Variants in TIMD4 observed in about 807,000 individuals in gnomAD.
TIMD4 encodes the protein T-cell immunoglobulin and mucin domain-containing protein 4.
TIMD4 carries 31 observed loss-of-function variants against 41.2 expected under a neutral mutation model. The ratio of observed to expected loss-of-function variants is 0.75; its 90% CI spans 0.57 to 1.01. The LOEUF is 1.01. Ranked by LOEUF, TIMD4 falls within the 50% of genes least tolerant of loss-of-function variation. The pLI is 0.00. For synonymous variants in TIMD4, 204 were observed against 177.1 expected (o/e 1.15, Z -1.21); for missense variants, 479 against 472.5 (o/e 1.01, Z -0.13).
At chr5:156,922,055 G>C (rs367798327) in intron 7 of TIMD4, 44 bp downstream of exon 7, 23 of 1,488,440 alleles carry the variant, frequency 1.5e-5, no homozygotes, top group East Asian at 2.3e-5. Context: ...TCCTGCAGTC[G>C]CCAGGGTTCT....
chr5:156,949,105 G>A (rs770625295), intron 4 of TIMD4, among the ~76,000 whole-genome samples: 10 of 152,146 alleles, frequency 6.6e-5, no homozygotes, highest in Admixed American at 5.9e-4. Flanking sequence ...CACCCCAATC[G>A]TGATGCCAAT....
intron 1 of TIMD4, among the ~76,000 whole-genome samples, chr5:156,960,809 A>G (rs1760066034): frequency 6.6e-6 from 1 of 152,246 alleles, no homozygotes; most frequent in African/African-American, 2.4e-5. Flanking sequence ...TGGGGCCTGC[A>G]GAGTACCTAG....
intron 6 of TIMD4, chr5:156,924,601 G>T: frequency 4.1e-6 from 1 of 245,476 alleles, no homozygotes; most frequent in Non-Finnish European, 8.5e-6. Flanking sequence ...GTGCAGGTCA[G>T]AAAGGAGATA....
intron 5 of TIMD4, among the ~76,000 whole-genome samples, chr5:156,928,700 A>T (rs533664648): frequency 6.2e-4 from 94 of 152,328 alleles, no homozygotes; most frequent in African/African-American, 2.2e-3. Flanking sequence ...TGATTTGTTC[A>T]TCAGGAAAGT....
Position 156,925,028 on chromosome 5 carries a change from G to T in TIMD4, c.894+1235C>A, listed in dbSNP as rs564177862. ...AAAGAGAGAGAGAGAGAGAATATAG[G>T]CCAGGCATGTTGGCTCACGCCTGTA... On this transcript the variant is annotated intron_variant, in intron 6 of 8. Transcript: ENST00000274532. 7.2e-5 allele frequency among the ~76,000 whole-genome samples: 11 copies of T among 152,214 alleles called. No homozygotes were observed. In the South Asian group the frequency reaches 2.3e-3, roughly 32 times the overall value.
In TIMD4 at chr5:156,922,279, C is replaced by T. The variant is rs570997869; in HGVS notation, c.895-63G>A. ...GCTAGATGCCACCCTCACAAGATGA[C>T]ATCCCAGCCCAATAGCACCTTACAA... On this transcript the variant is annotated intron_variant, in intron 6 of 8. Transcript: ENST00000274532. 7.3e-6 allele frequency: 9 copies of T among 1,234,562 alleles called. No homozygotes were observed. In the East Asian group the frequency reaches 9.3e-5, roughly 13 times the overall value. 76.5% of individuals were successfully genotyped at this position (1,234,562 alleles called of 1,614,324 possible).
chr5:156,926,460 C>T, intron 5 of TIMD4, 148 bp from the exon 6 acceptor site: 2 of 743,944 alleles, frequency 2.7e-6, no homozygotes, highest in East Asian at 3.0e-5. Flanking sequence ...TCTATTTATG[C>T]ATATTTGTTT....
At chr5:156,949,856 C>CA in intron 3 of TIMD4, 125 bp from the exon 4 acceptor site, 1 of 619,870 alleles carries the variant, frequency 1.6e-6, no homozygotes, top group Admixed American at 2.3e-5. Context: ...CTTGCTCTAT[C>CA]ACCCAGGCTG....
intron 6 of TIMD4, chr5:156,924,209 C>A: frequency 2.3e-6 from 1 of 437,916 alleles, no homozygotes; most frequent in South Asian, 1.8e-5. Flanking sequence ...GGACTTCCCT[C>A]CCCAAAATCC....
At position 156,951,678 on chromosome 5, in the gene TIMD4, G is replaced by A. The variant is rs747523800; in HGVS notation, c.513C>T (p.Val171=). The A allele has an allele frequency of 2.0e-5, 33 of 1,614,090 alleles. No homozygotes were observed. Among genetic ancestry groups the A allele is most frequent in the Admixed American group, 1.0e-4 (6 of 60,010 alleles). ...TTTPAALPTT[V]VTTPDLTTGT... ...CGGTTGTGAGATCGGGTGTGGTCAC[G>A]ACTGTTGTTGGAAGTGCAGCTGGGG... Residue 171 remains valine, a synonymous_variant, in exon 3 of 9, where the codon GTC becomes GTT. Transcript: ENST00000274532.
At chr5:156,962,936 A>G (rs1473437644) in intron 1 of TIMD4, among the ~76,000 whole-genome samples, 1 of 151,932 alleles carries the variant, frequency 6.6e-6, no homozygotes, top group Non-Finnish European at 1.5e-5. Flanking sequence ...CCAGCCTAAA[A>G]CCCCCAGACC....
intron 1 of TIMD4, 130 bp from the exon 2 acceptor site, chr5:156,954,886 T>A: frequency 1.4e-6 from 1 of 714,366 alleles, no homozygotes; most frequent in Non-Finnish European, 2.1e-6. Context: ...TTTCTTTCCT[T>A]TTTTTTTTTG....
At chr5:156,961,582 C>T (rs369679067) in intron 1 of TIMD4, among the ~76,000 whole-genome samples, 9 of 151,954 alleles carry the variant, frequency 5.9e-5, no homozygotes, top group Admixed American at 2.0e-4. Context: ...GTGAGTGGAT[C>T]GCCTGAGGTC....
intron 5 of TIMD4, among the ~76,000 whole-genome samples, chr5:156,937,746 A>C (rs1759566615): frequency 6.6e-6 from 1 of 152,226 alleles, no homozygotes; most frequent in Non-Finnish European, 1.5e-5. Flanking sequence ...TTATTAATAA[A>C]AAATTGTACA....
chr5:156,941,093 T>C lies in TIMD4; in HGVS notation c.844+7323A>G, dbSNP rs138260672. 1.6e-3 allele frequency among the ~76,000 whole-genome samples: 248 copies of C among 152,242 alleles called. 3 individuals carry two copies. The East Asian group carries it at 0.04, about 25-fold the overall frequency. On this transcript the variant is annotated intron_variant, in intron 5 of 8. Transcript: ENST00000274532. ...ATTAAGGGCGGTGCAAGATGTGCTT[T>C]GTTAAACAGATGCTTGAAGGCAGCA...
intron 5 of TIMD4, among the ~76,000 whole-genome samples, chr5:156,933,942 A>G (rs554277940): frequency 3.3e-5 from 5 of 152,286 alleles, no homozygotes; most frequent in Non-Finnish European, 5.9e-5. Context: ...TCAAGGAATT[A>G]ATTTAATTGT....
In TIMD4 at chr5:156,932,761, C is replaced by T. The variant is rs113232208; in HGVS notation, c.845-6449G>A. Among the ~76,000 whole-genome samples the T allele has an allele frequency of 4.5e-3, 689 of 152,342 alleles. 7 individuals are homozygous for T. The highest frequency in any genetic ancestry group is 0.015 in the African/African-American group (644 of 41,568). ...GTGACTCACGCCTGTAATCCCAGCA[C>T]TTTGGGAGGCCGAGGCGGATGGATC... On this transcript the variant is annotated intron_variant, in intron 5 of 8. Coordinates refer to ENST00000274532, the MANE Select transcript of TIMD4 (RefSeq NM_138379.3).
rs536495764 is a variant in TIMD4 at position 156,939,072 on chromosome 5, T to C, written c.844+9344A>G. ...GGAGGGAGTCTCCCTTTGCACCTCT[T>C]CACCTCTCTCTTCATCTCACACAAT... On this transcript the variant is annotated intron_variant, in intron 5 of 8. Transcript: ENST00000274532. Among the ~76,000 whole-genome samples the C allele has an allele frequency of 6.6e-5, 10 of 152,240 alleles. No homozygotes were observed. In the South Asian group the frequency reaches 1.9e-3, roughly 28 times the overall value.
At chr5:156,938,930 C>T (rs1759588998) in intron 5 of TIMD4, among the ~76,000 whole-genome samples, 1 of 152,182 alleles carries the variant, frequency 6.6e-6, no homozygotes, top group African/African-American at 2.4e-5. Flanking sequence ...TGTGCTTATG[C>T]ATCCCATTCT....
Sources: gnomAD v4.1 joint callset for allele counts (sites outside exome capture counted in the v4.1 genomes callset) on GRCh38, gnomAD v4.1.1 for gene constraint, MANE v1.5 for transcripts, NCBI Gene and HGNC (gene_info 2026-07-23, HGNC 2026-07-21) for gene names.